Variants in SLC6A19 observed in about 807,000 individuals in gnomAD.
SLC6A19 encodes solute carrier family 6 member 19.
A neutral mutation model predicts 68.3 loss-of-function variants in SLC6A19; 67 were observed. The ratio of observed to expected loss-of-function variants is 0.98; its 90% CI spans 0.81 to 1.20. The LOEUF (loss-of-function observed/expected upper bound fraction) is 1.20, where lower values mean the gene tolerates loss of function less well. Ranked by LOEUF, SLC6A19 falls within the 50% of genes most tolerant of loss-of-function variation. SLC6A19 has a pLI of 0.00. For synonymous variants in SLC6A19, 392 were observed against 374.9 expected (o/e 1.05, Z -0.53); for missense variants, 813 against 851.6 (o/e 0.95, Z 0.56).
At chr5:1,201,905 C>G in intron 1 of SLC6A19, 53 bp downstream of exon 1, 2 of 1,573,506 alleles carry the variant, frequency 1.3e-6, no homozygotes, top group South Asian at 1.1e-5. Context: ...GAAGCACAGA[C>G]ACACGCAGAG....
chr5:1,213,869 C>T, intron 5 of SLC6A19, 84 bp from the exon 6 acceptor site: 1 of 1,583,278 alleles, frequency 6.3e-7, no homozygotes, highest in African/African-American at 1.4e-5. Context: ...CCTCGACCCT[C>T]CCCGCCTCCC....
At chr5:1,208,009 G>A (rs771219261) in intron 1 of SLC6A19, among the ~76,000 whole-genome samples, 7 of 152,192 alleles carry the variant, frequency 4.6e-5, no homozygotes, top group African/African-American at 7.2e-5. Flanking sequence ...ATGTCTCAAC[G>A]TGGTTCTCCT....
In SLC6A19 at chr5:1,223,423, C is replaced by G. The variant is rs1315055053; in HGVS notation, c.*1519C>G. The G allele has an allele frequency of 6.6e-6, 1 of 152,376 alleles. No individual in the cohort carries two copies. Among genetic ancestry groups the G allele is most frequent in the Non-Finnish European group, 1.5e-5 (1 of 68,122 alleles). The allele number at this position is 152,376 out of a possible 1,614,324, so 9.4% of individuals were successfully genotyped here. A position where few individuals can be genotyped will look rare whatever the true frequency, so the allele number is the denominator to read the frequency against. ...GCACCTTGGAGGACCGTGCAGCCCC[C>G]AGAAGCTTCCAGCTCCCGCACCACT... On this transcript the variant is annotated 3_prime_UTR_variant, in exon 12 of 12. Coordinates refer to ENST00000304460, the MANE Select transcript of SLC6A19 (RefSeq NM_001003841.3).
At position 1,202,496 on chromosome 5, in the gene SLC6A19, G is replaced by C. The variant is rs112225988; in HGVS notation, c.202+644G>C. Among the ~76,000 whole-genome samples the C allele has an allele frequency of 6.8e-3, 1,032 of 152,342 alleles. 16 individuals are homozygous for C. The highest frequency in any genetic ancestry group is 0.023 in the African/African-American group (975 of 41,580). On this transcript the variant is annotated intron_variant, in intron 1 of 11. Coordinates refer to ENST00000304460, the MANE Select transcript of SLC6A19 (RefSeq NM_001003841.3). ...GTGACATTTGTGTTCCTGCCCAGTG[G>C]TCCTGAGCATCTGAGAAGTGGCTCC...
intron 1 of SLC6A19, among the ~76,000 whole-genome samples, chr5:1,208,437 G>T (rs1561162721): frequency 6.6e-6 from 1 of 152,214 alleles, no homozygotes; most frequent in Non-Finnish European, 1.5e-5. Flanking sequence ...AGCGGCTGTG[G>T]TTGCATGTTG....
rs1357634418 is a variant in SLC6A19, at chr5:1,203,465, C to T, written c.202+1613C>T. 5.3e-5 allele frequency among the ~76,000 whole-genome samples: 8 copies of T among 152,218 alleles called. No individual in the cohort carries two copies. The South Asian group carries it at 6.2e-4, about 12-fold the overall frequency. Reference sequence around the variant, plus strand: ...GCAGGCAGGCCCAGGTGAGGAGGGCCGAGCAGGGCTCTGGGATGTGCTGGG... The same window carrying T: ...GCAGGCAGGCCCAGGTGAGGAGGGCTGAGCAGGGCTCTGGGATGTGCTGGG... On this transcript the variant is annotated intron_variant, in intron 1 of 11. Transcript: ENST00000304460.
intron 6 of SLC6A19, 126 bp from the exon 7 acceptor site, chr5:1,216,432 G>T: frequency 1.4e-6 from 2 of 1,404,544 alleles, no homozygotes; most frequent in Non-Finnish European, 9.9e-7. Context: ...GCCTCCCCGT[G>T]TCACTCAGTG....
chr5:1,217,682 C>T lies in SLC6A19; in HGVS notation c.1173+737C>T, dbSNP rs533211473. Among the ~76,000 whole-genome samples, 321 of 152,340 alleles carry T rather than the reference C, an allele frequency of 2.1e-3. 2 individuals carry two copies. The highest frequency in any genetic ancestry group is 3.3e-3 in the Non-Finnish European group (224 of 68,030). On this transcript the variant is annotated intron_variant, in intron 8 of 11. Coordinates refer to ENST00000304460, the MANE Select transcript of SLC6A19 (RefSeq NM_001003841.3). ...GTAGGAGGCCTCCAAGTGCAGGATGCGCAGGCAGGAGGGGCCCAACAGGGC... is the reference window on the plus strand; with the variant it reads ...GTAGGAGGCCTCCAAGTGCAGGATGTGCAGGCAGGAGGGGCCCAACAGGGC...
intron 10 of SLC6A19, among the ~76,000 whole-genome samples, chr5:1,220,499 G>A (rs576895533): frequency 6.4e-4 from 98 of 152,168 alleles, no homozygotes; most frequent in African/African-American, 2.2e-3. Context: ...CTCCCGGCTT[G>A]GGAAAACCCC....
In SLC6A19 at chr5:1,209,020, A is replaced by G. The variant is rs538900641; in HGVS notation, c.343+134A>G. 1.3e-3 allele frequency: 1,562 copies of G among 1,242,728 alleles called. 1 individual carries two copies. The highest frequency in any genetic ancestry group is 1.6e-3 in the Non-Finnish European group (1,458 of 922,120). 77.0% of individuals were successfully genotyped at this position (1,242,728 alleles called of 1,614,324 possible). A position where few individuals can be genotyped will look rare whatever the true frequency, so the allele number is the denominator to read the frequency against. ...CTTCCCTGTCTGTTTCTGGTGCAACAAAGGTCCCAGCTTCATCTCCTGGAG... is the reference window on the plus strand; with the variant it reads ...CTTCCCTGTCTGTTTCTGGTGCAACGAAGGTCCCAGCTTCATCTCCTGGAG... On this transcript the variant is annotated intron_variant, in intron 2 of 11. Coordinates refer to ENST00000304460, the MANE Select transcript of SLC6A19 (RefSeq NM_001003841.3). This position sits in a 1 kb window ranked among gnomAD's most constrained non-coding sequence, Gnocchi z 5.5.
intron 10 of SLC6A19, among the ~76,000 whole-genome samples, chr5:1,219,910 C>T (rs571900538): frequency 1.3e-5 from 2 of 152,312 alleles, no homozygotes; most frequent in South Asian, 4.1e-4. Flanking sequence ...GGAGCCCAGA[C>T]CTTGGCGGTG....
chr5:1,203,955 C>T (rs2126490934), intron 1 of SLC6A19, among the ~76,000 whole-genome samples: 1 of 152,322 alleles, frequency 6.6e-6, no homozygotes, highest in Non-Finnish European at 1.5e-5. Context: ...GGGTCCCCTC[C>T]TATGGCTCCT....
rs1306376772 is a variant in SLC6A19, at chr5:1,214,611, C to T, written c.887+546C>T. Among the ~76,000 whole-genome samples the T allele has an allele frequency of 6.6e-6, 1 of 152,162 alleles. No individual in the cohort carries two copies. The highest frequency in any genetic ancestry group is 1.5e-5 in the Non-Finnish European group (1 of 68,026). On this transcript the variant is annotated intron_variant, in intron 6 of 11. Transcript: ENST00000304460. This position sits in a 1 kb window ranked among gnomAD's most constrained non-coding sequence, Gnocchi z 7.4. ...TATGAAGCACCTACTATGTGCCCGACCTGGTGCATCAGGACCTGCCCTCAG... is the reference window on the plus strand; with the variant it reads ...TATGAAGCACCTACTATGTGCCCGATCTGGTGCATCAGGACCTGCCCTCAG...
rs553746067 is a variant in SLC6A19, at chr5:1,204,697, C to T, written c.202+2845C>T. 2.1e-3 allele frequency among the ~76,000 whole-genome samples: 320 copies of T among 152,340 alleles called. 5 individuals carry two copies. Among genetic ancestry groups the T allele is most frequent in the African/African-American group, 7.2e-3 (301 of 41,586 alleles). ...GCCCCCCCAGCTCCTCTGCACAGGG[C>T]AGTGATGGTGTCCGTGAGCGAGGTG... On this transcript the variant is annotated intron_variant, in intron 1 of 11. Coordinates refer to ENST00000304460, the MANE Select transcript of SLC6A19 (RefSeq NM_001003841.3).
intron 1 of SLC6A19, among the ~76,000 whole-genome samples, chr5:1,207,394 C>A (rs946266175): frequency 6.6e-6 from 1 of 152,136 alleles, no homozygotes. Context: ...CTTGGCCGGG[C>A]GAGTGGAGTT....
At chr5:1,206,531 G>C (rs1184395162) in intron 1 of SLC6A19, among the ~76,000 whole-genome samples, 1 of 152,178 alleles carries the variant, frequency 6.6e-6, no homozygotes, top group Admixed American at 6.5e-5. Flanking sequence ...TGGCTGGGTC[G>C]GGAAGGGAGG....
rs147458082 is a variant in SLC6A19, at chr5:1,201,691, G to C, written c.41G>C (p.Arg14Pro). 6.2e-7 allele frequency: 1 copy of C among 1,610,690 alleles called. No homozygotes were observed. Among genetic ancestry groups the C allele is most frequent in the Non-Finnish European group, 8.5e-7 (1 of 1,179,798 alleles). The change falls in exon 1 of 12, where the codon CGG (arginine) becomes CCG (proline). Residue 14 changes from arginine to proline, a missense_variant. By Grantham distance (103) the Arg-to-Pro change is moderately radical (BLOSUM62 -2). Transcript: ENST00000304460. ...LVLPNPGLDA[R>P]IPSLAELETI... Reference sequence around the variant, plus strand: ...CTGCCCAACCCCGGCCTAGACGCCCGGATCCCGTCCCTGGCTGAGCTGGAG... The same window carrying C: ...CTGCCCAACCCCGGCCTAGACGCCCCGATCCCGTCCCTGGCTGAGCTGGAG...
rs745814342 is a variant in SLC6A19 at position 1,210,450 on chromosome 5, C to A, written c.350C>A (p.Ala117Asp). The A allele has an allele frequency of 6.2e-7, 1 of 1,613,104 alleles. No individual in the cohort carries two copies. The highest frequency in any genetic ancestry group is 2.2e-5 in the East Asian group (1 of 44,880). ...IHPALKGLGL[A>D]SMLTSFMVGL... Reference sequence around the variant, plus strand: ...AGCAGCAGCCTCCCTGCAGGCCTGGCCTCCATGCTCACGTCCTTCATGGTG... The same window carrying A: ...AGCAGCAGCCTCCCTGCAGGCCTGGACTCCATGCTCACGTCCTTCATGGTG... The change falls in exon 3 of 12, where the codon GCC (alanine) becomes GAC (aspartate). Residue 117 changes from alanine (A) to aspartate (D), a missense_variant. Transcript: ENST00000304460.
rs1341344293 is a variant in SLC6A19, at chr5:1,209,676, C to G, written c.344-768C>G. 6.7e-6 allele frequency among the ~76,000 whole-genome samples: 1 copy of G among 148,974 alleles called. No homozygotes were observed. The highest frequency in any genetic ancestry group is 6.7e-5 in the Admixed American group (1 of 14,914). On this transcript the variant is annotated intron_variant, in intron 2 of 11. Coordinates refer to ENST00000304460, the MANE Select transcript of SLC6A19 (RefSeq NM_001003841.3). The surrounding 1 kb of genome is among the most constrained non-coding windows in gnomAD (Gnocchi z 5.5). ...CCTCCTATTCTCTCCCTTCCCCCCT[C>G]TCTCTCATCCTCCTCCTCTCTCTCT...
Sources: allele counts gnomAD v4.1 joint callset (sites outside exome capture counted in the v4.1 genomes callset), GRCh38; gene constraint gnomAD v4.1.1; non-coding constraint Gnocchi (gnomAD v3.1); transcripts MANE v1.5; gene names NCBI Gene and HGNC (gene_info 2026-07-23, HGNC 2026-07-21).